The following PIEZO1 variants were observed in gnomAD, a reference collection of about 807,000 sequenced individuals.
PIEZO1 encodes piezo-type mechanosensitive ion channel component 1.
PIEZO1 carries 296 observed loss-of-function variants against 297.2 expected under a neutral mutation model. The observed-to-expected ratio is 1.00, with a 90% CI of 0.91 to 1.10. The LOEUF (loss-of-function observed/expected upper bound fraction) is 1.10, where lower values mean the gene tolerates loss of function less well. PIEZO1 is among the 50% of genes least tolerant of loss of function. The pLI is 0.00. For missense variants in PIEZO1, 5,018 were observed against 3,455.5 expected (o/e 1.45, Z -11.34); for synonymous variants, 2,427 against 1,507.5 (o/e 1.61, Z -14.13).
At chr16:88,717,260 G>GTTGTGTGACCCGCAGGAA in intron 44 of PIEZO1, 49 bp from the exon 45 acceptor site, 1 of 1,504,632 alleles carries the variant, frequency 6.6e-7, no homozygotes, top group Non-Finnish European at 9.0e-7. Flanking sequence ...CCTTCCTGCG[G>GTTGTGTGACCCGCAGGAA]GTCACACAAC....
In PIEZO1 at chr16:88,734,875, C is replaced by A; in HGVS notation, c.1848G>T (p.Gln616His). The change falls in exon 14 of 51, where the codon CAG becomes CAT. Residue 616 changes from glutamine to histidine, a missense_variant and splice_region_variant. Gln to His is a conservative substitution (Grantham distance 24). Coordinates refer to ENST00000301015, the MANE Select transcript of PIEZO1 (RefSeq NM_001142864.4). Reference sequence around the variant, plus strand: ...GCCCCCATCCCGGCCCCCCAGCCACCTGGAAGAGGGTGAGGCAGAGCAGGA... The same window carrying A: ...GCCCCCATCCCGGCCCCCCAGCCACATGGAAGAGGGTGAGGCAGAGCAGGA... ...FLFLLCLTLFQVYYSLWRKLL... is the reference protein window; with the variant it reads ...FLFLLCLTLFHVYYSLWRKLL... The A allele has an allele frequency of 6.5e-7, 1 of 1,550,376 alleles. No individual in the cohort carries two copies. Among genetic ancestry groups the A allele is most frequent in the Non-Finnish European group, 8.7e-7 (1 of 1,146,964 alleles).
At position 88,721,176 on chromosome 16, in the gene PIEZO1, C is replaced by T. The variant is rs547428782; in HGVS notation, c.5658G>A (p.Ala1886=). 9 of 1,506,936 alleles carry T rather than the reference C, an allele frequency of 6.0e-6. No individual in the cohort carries two copies. Among genetic ancestry groups the T allele is most frequent in the African/African-American group, 2.8e-5 (2 of 71,692 alleles). 93.3% of individuals were successfully genotyped at this position (1,506,936 alleles called of 1,614,324 possible). A position where few individuals can be genotyped will look rare whatever the true frequency, so the allele number is the denominator to read the frequency against. Residue 1886 remains alanine (A), a synonymous_variant, in exon 39 of 51, where the codon GCG becomes GCA. Coordinates refer to ENST00000301015, the MANE Select transcript of PIEZO1 (RefSeq NM_001142864.4). ...GCAGGGCGCTTATACCGATGGCTGC[C>T]GCTCCTTTCCGTGCTGGGCCCTCCT... is the stretch of plus-strand genomic sequence containing the variant. The part of the protein sequence containing the change: ...RKKEGPARKG[A]AAIEAEDREE...
At position 88,715,428 on chromosome 16, in the gene PIEZO1, T is replaced by G. The variant is rs547972506; in HGVS notation, c.*177A>C. ...GGGGACGGCAGCGCCACGCAGGCCG[T>G]GGGGACGCAGTGTCCTTCTCTGACA... On this transcript the variant is annotated 3_prime_UTR_variant, in exon 51 of 51. Transcript: ENST00000301015. 204 of 925,848 alleles carry G rather than the reference T, an allele frequency of 2.2e-4. 1 individual carries two copies. The African/African-American group carries it at 3.0e-3, about 14-fold the overall frequency. The allele number at this position is 925,848 out of a possible 1,614,324, so 57.4% of individuals were successfully genotyped here. A position where few individuals can be genotyped will look rare whatever the true frequency, so the allele number is the denominator to read the frequency against.
rs1461948204 is a variant in PIEZO1 at position 88,723,006 on chromosome 16, C to T, written c.4499G>A (p.Arg1500Gln). ...AEGPEEAAAG[R>Q]SHVVQRVLST... is the part of the protein sequence containing the mutation. ...CAGCACCCTCTGCACCACATGGCTC[C>T]GGCCTGCGGGAGGGCGGGAGGGGGC... The change falls in exon 34 of 51, where the codon CGG becomes CAG. Residue 1500 changes from arginine to glutamine, a missense_variant. Physicochemically the swap from Arg to Gln is conservative, Grantham distance 43 (BLOSUM62 1). Coordinates refer to ENST00000301015, the MANE Select transcript of PIEZO1 (RefSeq NM_001142864.4). The T allele has an allele frequency of 4.0e-5, 54 of 1,360,466 alleles. No homozygotes were observed. The East Asian group carries it at 8.5e-4, about 21-fold the overall frequency. 84.3% of individuals were successfully genotyped at this position (1,360,466 alleles called of 1,614,324 possible). A position where few individuals can be genotyped will look rare whatever the true frequency, so the allele number is the denominator to read the frequency against.
chr16:88,761,039 G>A (rs1027284713), intron 1 of PIEZO1, among the ~76,000 whole-genome samples: 2 of 152,194 alleles, frequency 1.3e-5, no homozygotes, highest in African/African-American at 2.4e-5. Flanking sequence ...ACACCCTCCC[G>A]GACACACTCA....
At chr16:88,722,138 T>G in intron 36 of PIEZO1, 72 bp from the exon 37 acceptor site, 2 of 1,520,688 alleles carry the variant, frequency 1.3e-6, no homozygotes, top group Admixed American at 4.0e-5. Flanking sequence ...CTGTTGCCGG[T>G]CACAGTCAGT....
At chr16:88,723,355 C>T (rs1597446911) in intron 31 of PIEZO1, 27 bp from the exon 32 acceptor site, 1 of 1,535,640 alleles carries the variant, frequency 6.5e-7, no homozygotes, top group Non-Finnish European at 8.7e-7. Context: ...GGGTTAGGAC[C>T]CGGCCTCCCG....
chr16:88,736,921 G>A, intron 10 of PIEZO1, 182 bp from the exon 11 acceptor site: 3 of 498,746 alleles, frequency 6.0e-6, no homozygotes, highest in East Asian at 3.5e-5. Flanking sequence ...CGTCAGGGAT[G>A]GCCCTGCCAG....
At chr16:88,735,387 G>A in intron 12 of PIEZO1, 141 bp from the exon 13 acceptor site, 1 of 652,748 alleles carries the variant, frequency 1.5e-6, no homozygotes, top group Non-Finnish European at 2.8e-6. Flanking sequence ...CCTCCCCACA[G>A]GCACCGAACA....
intron 2 of PIEZO1, chr16:88,743,030 G>C (rs1013553309): frequency 6.6e-6 from 3 of 456,250 alleles, no homozygotes; most frequent in Admixed American, 4.7e-5. Context: ...CTGTGCACCA[G>C]GTCAGGCCCC....
rs757593385 is a variant in PIEZO1, at chr16:88,741,592, G to C, written c.351C>G (p.Asn117Lys). 2 of 1,535,530 alleles carry C rather than the reference G, an allele frequency of 1.3e-6. No individual in the cohort carries two copies. The highest frequency in any genetic ancestry group is 1.7e-6 in the Non-Finnish European group (2 of 1,146,720). ...VTRLDLKDIP[N>K]AIRLVAPDLG... ...GGTCAGGGGCCACCAGCCGGATGGC[G>C]TTGGGGATGTCCTTCAGGTCCAGCC... The change falls in exon 5 of 51, where the codon AAC becomes AAG. Residue 117 changes from asparagine (N) to lysine (K), a missense_variant. Asn to Lys is a moderately conservative substitution (Grantham distance 94). Coordinates refer to ENST00000301015, the MANE Select transcript of PIEZO1 (RefSeq NM_001142864.4).
chr16:88,723,299 G>A lies in PIEZO1; in HGVS notation c.4365C>T (p.Ala1455=). ...QLAYQAWVTN[A]QAVLRRRQQE... ...GCTGCCGCCGCCTCAGCACCGCCTG[G>A]GCGTTGGTCACCCATGCCTGGTACG... Residue 1455 remains alanine (A), a synonymous_variant, in exon 32 of 51, where the codon GCC becomes GCT. Transcript: ENST00000301015. 6.5e-7 allele frequency: 1 copy of A among 1,539,906 alleles called. No individual in the cohort carries two copies. The highest frequency in any genetic ancestry group is 1.2e-5 in the South Asian group (1 of 84,056).
At position 88,736,140 on chromosome 16, in the gene PIEZO1, A is replaced by C. The variant is rs1177994822; in HGVS notation, c.1557+8T>G. On this transcript the variant is annotated splice_region_variant and intron_variant, in intron 12 of 50. Transcript: ENST00000301015. ...CAGGCACCCCCGGATGTGGTGGTGC[A>C]CACTCACCATGGCACCAAGGTCCAG... 1 of 1,539,374 alleles carries C rather than the reference A, an allele frequency of 6.5e-7. No individual in the cohort carries two copies. Among genetic ancestry groups the C allele is most frequent in the Non-Finnish European group, 8.8e-7 (1 of 1,140,082 alleles).
At chr16:88,725,896 T>C (rs1428080238) in intron 27 of PIEZO1, 7 of 577,210 alleles carry the variant, frequency 1.2e-5, no homozygotes, top group African/African-American at 1.1e-4. Flanking sequence ...TGCAGGGGCG[T>C]CTGGTGGCAC....
chr16:88,737,836 G>C, intron 8 of PIEZO1, 22 bp from the exon 9 acceptor site: 1 of 1,534,992 alleles, frequency 6.5e-7, no homozygotes, highest in Middle Eastern at 1.7e-4. Flanking sequence ...AGCGTCTTGA[G>C]CCCAAACCAG....
Position 88,721,913 on chromosome 16 carries a change from G to C in PIEZO1, c.5109C>G (p.Ala1703=), listed in dbSNP as rs1848935708. Residue 1703 remains alanine, a synonymous_variant, in exon 37 of 51, where the codon GCC becomes GCG. Coordinates refer to ENST00000301015, the MANE Select transcript of PIEZO1 (RefSeq NM_001142864.4). ...CGGGCAGCACCAGCGAGCCGGCGGA[G>C]GCCGTGACCATGTGGTTGAGGATGA... is the stretch of plus-strand genomic sequence containing the variant. ...FIIILNHMVT[A]SAGSLVLPVL... The C allele has an allele frequency of 6.5e-7, 1 of 1,550,090 alleles. No homozygotes were observed. The highest frequency in any genetic ancestry group is 2.0e-5 in the Admixed American group (1 of 50,994).
In PIEZO1 at chr16:88,731,840, C is replaced by A; in HGVS notation, c.3062G>T (p.Trp1021Leu). 1 of 1,326,706 alleles carries A rather than the reference C, an allele frequency of 7.5e-7. No homozygotes were observed. Among genetic ancestry groups the A allele is most frequent in the South Asian group, 1.3e-5 (1 of 78,348 alleles). 82.2% of individuals were successfully genotyped at this position (1,326,706 alleles called of 1,614,324 possible). Reference sequence around the variant, plus strand: ...CCTGCGGGTGAGGATGGCCACCAGCCAGCAACCGTGCAGGGTCACCAGAAA... The same window carrying A: ...CCTGCGGGTGAGGATGGCCACCAGCAAGCAACCGTGCAGGGTCACCAGAAA... Reference protein sequence around the residue: ...MNFLVTLHGCWLVAILTRRHR... With the variant: ...MNFLVTLHGCLLVAILTRRHR... Residue 1021 changes from tryptophan to leucine, a missense_variant, in exon 22 of 51, where the codon TGG becomes TTG. Physicochemically the swap from Trp to Leu is moderately conservative, Grantham distance 61 (BLOSUM62 -2). Transcript: ENST00000301015.
chr16:88,717,314 G>A (rs1453397212), intron 44 of PIEZO1, 103 bp from the exon 45 acceptor site: 4 of 1,036,566 alleles, frequency 3.9e-6, no homozygotes, highest in Non-Finnish European at 5.8e-6. Context: ...GCCCCAGCCT[G>A]ACCTCAGTAT....
chr16:88,731,265 G>A (rs1258535713), intron 22 of PIEZO1: 1 of 200,188 alleles, frequency 5.0e-6, no homozygotes, highest in South Asian at 8.7e-5. Context: ...TTTGAATGCA[G>A]AGGACACGTT....
Sources: gnomAD v4.1 joint callset for allele counts (sites outside exome capture counted in the v4.1 genomes callset) on GRCh38, gnomAD v4.1.1 for gene constraint, MANE v1.5 for transcripts, NCBI Gene and HGNC (gene_info 2026-07-23, HGNC 2026-07-21) for gene names.